UGT1A7: variants seen among roughly 807,000 people sequenced by gnomAD.
The protein encoded by UGT1A7 is UDP-glucuronosyltransferase 1A7.
Under a neutral mutation model 45.6 loss-of-function variants are expected in UGT1A7, and 33 were observed. The observed-to-expected ratio is 0.72, with a 90% CI of 0.55 to 0.97. The LOEUF is 0.97. Ranked by LOEUF, UGT1A7 falls within the 50% of genes least tolerant of loss-of-function variation. The probability of loss-of-function intolerance (pLI) is 0.00; values close to 1 mark genes in which losing one functional copy is unlikely to be tolerated. For synonymous variants in UGT1A7, 274 were observed against 250.6 expected, an observed-to-expected ratio of 1.09 and a Z score of -0.88; for missense variants, 684 against 666.2, an observed-to-expected ratio of 1.03 and a Z score of -0.29.
intron 1 of UGT1A7, chr2:233,741,470 G>C (rs1212824071): frequency 1.3e-5 from 2 of 150,616 alleles, no homozygotes; most frequent in East Asian, 3.8e-4. Context: ...ACACATGTAA[G>C]TTCCCTCGTC....
chr2:233,693,866 G>T (rs781082829), intron 1 of UGT1A7: 5 of 1,614,054 alleles, frequency 3.1e-6, no homozygotes, highest in Non-Finnish European at 4.2e-6. Flanking sequence ...CTTGTCTCAG[G>T]TTGGTGGGTT....
intron 1 of UGT1A7, among the ~76,000 whole-genome samples, chr2:233,750,063 C>T (rs556183809): frequency 6.6e-6 from 1 of 151,926 alleles, no homozygotes; most frequent in South Asian, 2.1e-4. Flanking sequence ...GACTTTGGAA[C>T]TGGGTAACAG....
At chr2:233,683,695 A>C (rs372435428) in intron 1 of UGT1A7, among the ~76,000 whole-genome samples, 1 of 152,010 alleles carries the variant, frequency 6.6e-6, no homozygotes, top group Admixed American at 6.6e-5. Flanking sequence ...TCTGCATTTC[A>C]TTATTTTTGA....
intron 4 of UGT1A7, among the ~76,000 whole-genome samples, chr2:233,771,772 C>T (rs536423324): frequency 2.8e-4 from 43 of 152,144 alleles, no homozygotes; most frequent in African/African-American, 1.0e-3. Flanking sequence ...CCGTCCCTCT[C>T]TCCTTTCCTC....
chr2:233,760,664 G>T, intron 1 of UGT1A7: 3 of 1,614,182 alleles, frequency 1.9e-6, no homozygotes, highest in Non-Finnish European at 2.5e-6. Flanking sequence ...CTTTTGTCTG[G>T]CTGTTCCCAC....
chr2:233,728,929 G>A (rs533311965), intron 1 of UGT1A7, among the ~76,000 whole-genome samples: 12 of 142,966 alleles, frequency 8.4e-5, no homozygotes, highest in Admixed American at 6.7e-4. Context: ...AGTCATGATC[G>A]GTCTTTTCCA....
At chr2:233,699,919 G>A (rs2075532229) in intron 1 of UGT1A7, among the ~76,000 whole-genome samples, 2 of 152,196 alleles carry the variant, frequency 1.3e-5, no homozygotes, top group Non-Finnish European at 2.9e-5. Context: ...TATACGTAGA[G>A]GCCAAGGATG....
intron 1 of UGT1A7, among the ~76,000 whole-genome samples, chr2:233,749,359 C>G (rs189942106): frequency 6.6e-6 from 1 of 151,920 alleles, no homozygotes; most frequent in East Asian, 1.9e-4. Flanking sequence ...TAAATAGTGA[C>G]TCTTGCCCTT....
intron 1 of UGT1A7, chr2:233,690,588 GAA>G (rs144486213): frequency 9.2e-5 from 103 of 1,123,576 alleles, no homozygotes; most frequent in Admixed American, 2.9e-4. Context: ...CAATCCCTGA[GAA>G]AAAAAAAAAA....
intron 1 of UGT1A7, among the ~76,000 whole-genome samples, chr2:233,717,156 G>A (rs534740397): frequency 6.2e-4 from 94 of 152,158 alleles, no homozygotes; most frequent in Non-Finnish European, 1.2e-3. Context: ...TAGAACATGG[G>A]AGCCCCTTGA....
In UGT1A7 at chr2:233,699,439, G is replaced by A. The variant is rs541562244; in HGVS notation, c.855+16647G>A. On this transcript the variant is annotated intron_variant, in intron 1 of 4. Transcript: ENST00000373426. ...TTTCATTATTAGAAGGGTCATTGGA[G>A]TGTTTTCCTTAGAACAAAGGAGGTC... Among the ~76,000 whole-genome samples, 3 of 152,324 alleles carry A rather than the reference G, an allele frequency of 2.0e-5. No homozygotes were observed. In the South Asian group the frequency reaches 6.2e-4, roughly 32 times the overall value.
intron 1 of UGT1A7, among the ~76,000 whole-genome samples, chr2:233,752,797 G>C (rs766471839): frequency 2.6e-5 from 4 of 152,148 alleles, no homozygotes; most frequent in Non-Finnish European, 5.9e-5. Flanking sequence ...TTACACTTCT[G>C]TAGAAGGAAC....
chr2:233,699,210 GA>G (rs1003409179), intron 1 of UGT1A7, among the ~76,000 whole-genome samples: 1 of 149,904 alleles, frequency 6.7e-6, no homozygotes, highest in Non-Finnish European at 1.5e-5. Context: ...GCTGTTGCAT[GA>G]AAAAAAAACA....
chr2:233,747,166 G>A, intron 1 of UGT1A7: 1 of 1,592,464 alleles, frequency 6.3e-7, no homozygotes, highest in Non-Finnish European at 8.5e-7. Context: ...ACAAATGTAG[G>A]AGGCACAGCG....
intron 1 of UGT1A7, among the ~76,000 whole-genome samples, chr2:233,717,476 A>C (rs2076577625): frequency 6.6e-6 from 1 of 152,234 alleles, no homozygotes; most frequent in Non-Finnish European, 1.5e-5. Context: ...TTGTGTCCAA[A>C]GGTGGAATCT....
At chr2:233,723,514 A>G (rs2077090409) in intron 1 of UGT1A7, among the ~76,000 whole-genome samples, 1 of 107,644 alleles carries the variant, frequency 9.3e-6, no homozygotes, top group Non-Finnish European at 1.8e-5. Context: ...CTGGTCAACA[A>G]TCTTTTTTTT....
At chr2:233,746,286 G>A (rs1374817332) in intron 1 of UGT1A7, among the ~76,000 whole-genome samples, 1 of 151,716 alleles carries the variant, frequency 6.6e-6, no homozygotes, top group Non-Finnish European at 1.5e-5. Context: ...TTCAAGGAAG[G>A]TGGCTTTGTT....
intron 1 of UGT1A7, chr2:233,691,797 T>C (rs965810933): frequency 4.5e-6 from 1 of 224,276 alleles, no homozygotes; most frequent in Admixed American, 6.5e-5. Context: ...AGACTTATAC[T>C]TCTCAAATCT....
At chr2:233,726,426 T>C (rs554048011) in intron 1 of UGT1A7, among the ~76,000 whole-genome samples, 1 of 152,328 alleles carries the variant, frequency 6.6e-6, no homozygotes, top group East Asian at 1.9e-4. Flanking sequence ...TTCTGTCCAC[T>C]CTTAATCTTA....
Sources: allele counts gnomAD v4.1 joint callset (sites outside exome capture counted in the v4.1 genomes callset), GRCh38; gene constraint gnomAD v4.1.1; transcripts MANE v1.5; gene names NCBI Gene and HGNC (gene_info 2026-07-23, HGNC 2026-07-21).